Variants in INTS4 observed in about 807,000 individuals in gnomAD.
INTS4 encodes integrator complex subunit 4, also known as MSTP093.
INTS4 carries 70 observed loss-of-function variants against 119.5 expected under a neutral mutation model. That is an observed-to-expected ratio of 0.59 (90% CI 0.48 to 0.71). The LOEUF (loss-of-function observed/expected upper bound fraction) is 0.71. Ranked by LOEUF, INTS4 falls within the 30% of genes least tolerant of loss-of-function variation. INTS4 has a pLI of 0.00. For synonymous variants in INTS4, 316 were observed against 419.6 expected (o/e 0.75, Z 3.02); for missense variants, 867 against 1,173.2 (o/e 0.74, Z 3.81).
chr11:77,953,172 CG>C (rs1224851647), intron 8 of INTS4, among the ~76,000 whole-genome samples: 2 of 152,142 alleles, frequency 1.3e-5, no homozygotes, highest in Admixed American at 1.3e-4. Flanking sequence ...AAGCTATCAC[CG>C]GATCAGTGTC....
chr11:77,948,160 C>A (rs550220219), intron 8 of INTS4, among the ~76,000 whole-genome samples: 2 of 149,654 alleles, frequency 1.3e-5, no homozygotes, highest in Admixed American at 1.3e-4. Context: ...ACTGAAGACT[C>A]TGTAGTAACT....
rs1156649976 is a variant in INTS4 at position 77,889,875 on chromosome 11, TAGG to T, written c.2592+1441_2592+1443del. 3.3e-5 allele frequency among the ~76,000 whole-genome samples: 5 copies of T among 152,308 alleles called. No homozygotes were observed. In the East Asian group the frequency reaches 7.7e-4, roughly 24 times the overall value. ...GAAGGGGGTTTTTTAGGAGACAGTC[TAGG>T]AGATGACCCTTAAGTAACCTGCCTA... On this transcript the variant is annotated intron_variant, in intron 21 of 22. Transcript: ENST00000534064.
chr11:77,912,364 A>G (rs1439258113), intron 15 of INTS4, among the ~76,000 whole-genome samples: 1 of 149,030 alleles, frequency 6.7e-6, no homozygotes, highest in Admixed American at 6.7e-5. Context: ...TCCATCTCCA[A>G]AAAAAAAAAA....
chr11:77,908,330 CTTT>C (rs762416286), intron 15 of INTS4, among the ~76,000 whole-genome samples: 4 of 139,610 alleles, frequency 2.9e-5, no homozygotes, highest in South Asian at 2.3e-4. Context: ...CTGCATCCAT[CTTT>C]TTTTTTTTTT....
chr11:77,956,707 AAAAAATAATAATAATAAT>A (rs1262060381), intron 7 of INTS4, among the ~76,000 whole-genome samples: 2 of 57,956 alleles, frequency 3.5e-5, no homozygotes, highest in African/African-American at 6.8e-5. Context: ...ACTCCATCTC[AAAAAATAATAATAATAAT>A]AATAATAATA....
At chr11:77,887,764 CTT>C (rs1952079800) in intron 21 of INTS4, among the ~76,000 whole-genome samples, 1 of 152,158 alleles carries the variant, frequency 6.6e-6, no homozygotes, top group Non-Finnish European at 1.5e-5. Context: ...CACAAGCATT[CTT>C]ATACGCCAAT....
At chr11:77,922,540 C>A in intron 12 of INTS4, 69 bp from the exon 13 acceptor site, 2 of 669,448 alleles carry the variant, frequency 3.0e-6, no homozygotes, top group Non-Finnish European at 5.2e-6. Flanking sequence ...GTACTAGGAA[C>A]TGGAATCAGA....
intron 4 of INTS4, among the ~76,000 whole-genome samples, chr11:77,965,720 C>T (rs1157832532): frequency 6.6e-6 from 1 of 152,158 alleles, no homozygotes; most frequent in Non-Finnish European, 1.5e-5. Context: ...CTTCTTTATC[C>T]ATTCATCTGC....
downstream of INTS4, among the ~76,000 whole-genome samples, chr11:77,876,628 G>A (rs1387048573): frequency 1.3e-5 from 2 of 152,054 alleles, no homozygotes; most frequent in African/African-American, 4.8e-5. Context: ...AGTACAGCCC[G>A]TTCAATTCTT....
chr11:77,928,462 A>G lies in INTS4; in HGVS notation c.1251T>C (p.Val417=). The part of the protein sequence containing the change: ...SFAEKCLDFL[V]DMFNDEIEEV... ...CCTCAATTTCATCGTTGAACATGTC[A>G]ACTAGGAAATCAAGGCACTTCTCAG... Residue 417 remains valine (V), a synonymous_variant, in exon 11 of 23, where the codon GTT becomes GTC. Transcript: ENST00000534064. The G allele has an allele frequency of 6.2e-7, 1 of 1,612,096 alleles. No individual in the cohort carries two copies. Among genetic ancestry groups the G allele is most frequent in the Middle Eastern group, 1.7e-4 (1 of 6,046 alleles).
intron 15 of INTS4, chr11:77,911,104 C>G (rs938530178): frequency 7.8e-7 from 1 of 1,275,858 alleles, no homozygotes; most frequent in Non-Finnish European, 1.0e-6. Flanking sequence ...GGTAACGTTA[C>G]GATAGTTAAC....
At chr11:77,926,654 A>T (rs113042792) in intron 11 of INTS4, among the ~76,000 whole-genome samples, 1,816 of 152,018 alleles carry the variant, frequency 0.012, 27 homozygotes, top group African/African-American at 0.027. Context: ...TAAAAAAAAA[A>T]ATATATACAA....
chr11:77,956,027 C>T lies in INTS4; in HGVS notation c.833G>A (p.Arg278His), dbSNP rs765120138. ...TTTGCCAAACGCATCATCAACTAAGCGTATTTCTTCATTAGAAGAAGGAAT... is the reference window on the plus strand; with the variant it reads ...TTTGCCAAACGCATCATCAACTAAGTGTATTTCTTCATTAGAAGAAGGAAT... ...VPIPSSNEEIRLVDDAFGKIC... is the reference protein window; with the variant it reads ...VPIPSSNEEIHLVDDAFGKIC... The change falls in exon 8 of 23, where the codon CGC (arginine) becomes CAC (histidine). Residue 278 changes from arginine (R) to histidine (H), a missense_variant. Arg to His is a conservative substitution (Grantham distance 29, BLOSUM62 0). Transcript: ENST00000534064. 8.1e-6 allele frequency: 13 copies of T among 1,604,652 alleles called. No homozygotes were observed. The highest frequency in any genetic ancestry group is 5.4e-5 in the African/African-American group (4 of 74,152).
intron 14 of INTS4, 143 bp from the exon 15 acceptor site, chr11:77,919,121 T>A: frequency 1.2e-6 from 1 of 858,874 alleles, no homozygotes; most frequent in Non-Finnish European, 1.8e-6. Context: ...TAAATAACAT[T>A]TCTCCCCTTC....
chr11:77,974,798 C>T (rs1855881201), intron 4 of INTS4, among the ~76,000 whole-genome samples: 2 of 151,610 alleles, frequency 1.3e-5, no homozygotes, highest in South Asian at 4.2e-4. Context: ...ATGGGGTCTT[C>T]CTATGTGACC....
At chr11:77,911,049 A>T (rs1305735295) in intron 15 of INTS4, 89 of 1,288,678 alleles carry the variant, frequency 6.9e-5, no homozygotes, top group Non-Finnish European at 8.9e-5. Flanking sequence ...CCTGGAAAAA[A>T]CCGTCCACTG....
intron 8 of INTS4, among the ~76,000 whole-genome samples, chr11:77,948,298 A>G (rs1362888490): frequency 6.6e-6 from 1 of 152,256 alleles, no homozygotes; most frequent in Non-Finnish European, 1.5e-5. Flanking sequence ...GATCTCCAAA[A>G]TTACTTTTTG....
intron 22 of INTS4, 108 bp from the exon 23 acceptor site, chr11:77,879,235 T>G (rs1411481743): frequency 1.7e-6 from 2 of 1,192,526 alleles, no homozygotes; most frequent in African/African-American, 1.5e-5. Context: ...GAGAAATTTC[T>G]TCATCCGTCT....
chr11:77,981,226 T>C (rs1856204586), intron 3 of INTS4, among the ~76,000 whole-genome samples: 1 of 143,696 alleles, frequency 7.0e-6, no homozygotes, highest in African/African-American at 2.6e-5. Flanking sequence ...ATAATGTCTA[T>C]ATCATATGTA....
Sources: gnomAD v4.1 joint callset for allele counts (sites outside exome capture counted in the v4.1 genomes callset) on GRCh38, gnomAD v4.1.1 for gene constraint, MANE v1.5 for transcripts, NCBI Gene and HGNC (gene_info 2026-07-23, HGNC 2026-07-21) for gene names.